The following FHIT variants were observed in gnomAD, a reference collection of about 807,000 sequenced individuals.
FHIT encodes the protein bis(5'-adenosyl)-triphosphatase.
In FHIT, 19 loss-of-function variants were observed where a neutral mutation model predicts 17.9. That is an observed-to-expected ratio of 1.06 (90% confidence interval 0.74 to 1.56). The LOEUF (loss-of-function observed/expected upper bound fraction) is 1.56, where lower values mean the gene tolerates loss of function less well. FHIT is among the 40% of genes most tolerant of loss of function. The pLI is 0.00. For synonymous variants in FHIT, 81 were observed against 69.7 expected, an observed-to-expected ratio of 1.16 and a Z score of -0.81; for missense variants, 248 against 189.2, an observed-to-expected ratio of 1.31 and a Z score of -1.82.
chr3:60,511,442 C>A (rs184760800), intron 5 of FHIT, among the ~76,000 whole-genome samples: 48 of 152,188 alleles, frequency 3.2e-4, no homozygotes, highest in African/African-American at 1.1e-3. Context: ...AAGACACTTT[C>A]AACTCAGACC....
chr3:60,286,442 T>A (rs2107657749), intron 5 of FHIT, among the ~76,000 whole-genome samples: 1 of 152,288 alleles, frequency 6.6e-6, no homozygotes, highest in South Asian at 2.1e-4. Flanking sequence ...TATGCAAATT[T>A]TATTGAAGGG....
intron 5 of FHIT, among the ~76,000 whole-genome samples, chr3:60,449,693 A>T (rs2031589204): frequency 6.6e-6 from 1 of 152,084 alleles, no homozygotes; most frequent in African/African-American, 2.4e-5. Context: ...AAAACATAAA[A>T]AAGATACTAT....
At chr3:60,437,221 G>C (rs2030351232) in intron 5 of FHIT, among the ~76,000 whole-genome samples, 1 of 151,996 alleles carries the variant, frequency 6.6e-6, no homozygotes, top group Non-Finnish European at 1.5e-5. Context: ...TAGACATGTG[G>C]GCAAGACTGC....
intron 8 of FHIT, among the ~76,000 whole-genome samples, chr3:59,801,565 C>T (rs952659389): frequency 3.3e-5 from 5 of 152,108 alleles, no homozygotes; most frequent in Admixed American, 6.5e-5. Flanking sequence ...AGAAGCCCTT[C>T]ACTAGTGCCA....
intron 5 of FHIT, among the ~76,000 whole-genome samples, chr3:60,027,721 T>TA (rs11433582): frequency 0.25 from 36,583 of 144,508 alleles, 4,969 homozygotes; most frequent in African/African-American, 0.37. Flanking sequence ...ATTTAGTTTA[T>TA]AAAAAAAAAA....
chr3:60,026,674 AAAAC>A (rs770533760), intron 5 of FHIT, among the ~76,000 whole-genome samples: 38 of 152,342 alleles, frequency 2.5e-4, no homozygotes, highest in East Asian at 2.1e-3. Context: ...TCAAAATGTG[AAAAC>A]AAACAATGGA....
At chr3:59,754,250 C>A (rs538398960) in intron 8 of FHIT, among the ~76,000 whole-genome samples, 1 of 152,162 alleles carries the variant, frequency 6.6e-6, no homozygotes, top group Non-Finnish European at 1.5e-5. Context: ...AGCATATAAC[C>A]GGGCCACAGA....
intron 2 of FHIT, among the ~76,000 whole-genome samples, chr3:61,142,277 T>C (rs2037107773): frequency 6.6e-6 from 1 of 151,614 alleles, no homozygotes. Flanking sequence ...ACTAAAACTT[T>C]AGTCTGCTGA....
chr3:60,243,247 G>C (rs1039070011), intron 5 of FHIT, among the ~76,000 whole-genome samples: 4 of 152,024 alleles, frequency 2.6e-5, no homozygotes, highest in South Asian at 2.1e-4. Flanking sequence ...TGGGAAAAGA[G>C]TTAACACTCA....
intron 2 of FHIT, among the ~76,000 whole-genome samples, chr3:61,070,439 G>A (rs1049373258): frequency 1.3e-5 from 2 of 152,228 alleles, no homozygotes; most frequent in South Asian, 4.2e-4. Context: ...AAAACACTTG[G>A]CATGGCAGTG....
intron 8 of FHIT, among the ~76,000 whole-genome samples, chr3:59,916,697 T>G (rs912311235): frequency 3.9e-5 from 6 of 152,334 alleles, no homozygotes; most frequent in East Asian, 3.9e-4. Flanking sequence ...GCTTTCTCAT[T>G]ACTAAAATAG....
intron 5 of FHIT, among the ~76,000 whole-genome samples, chr3:60,246,257 C>CA (rs1705390415): frequency 6.6e-6 from 1 of 151,972 alleles, no homozygotes; most frequent in South Asian, 2.1e-4. Context: ...CTACCTCCAG[C>CA]AAATATATAT....
chr3:60,075,173 A>G (rs1282595690), intron 5 of FHIT, among the ~76,000 whole-genome samples: 1 of 152,128 alleles, frequency 6.6e-6, no homozygotes, highest in Non-Finnish European at 1.5e-5. Context: ...ATTTTAAACT[A>G]GAGCTGCTGG....
intron 4 of FHIT, among the ~76,000 whole-genome samples, chr3:60,672,427 GC>G (rs781847612): frequency 6.6e-6 from 1 of 152,066 alleles, no homozygotes; most frequent in East Asian, 1.9e-4. Flanking sequence ...CAGTGGGGGT[GC>G]TTTTTGAGCC....
At chr3:61,046,656 C>T (rs1232649952) in intron 2 of FHIT, among the ~76,000 whole-genome samples, 1 of 152,118 alleles carries the variant, frequency 6.6e-6, no homozygotes, top group Non-Finnish European at 1.5e-5. Flanking sequence ...CCAGCATCAT[C>T]CTGATAGCAA....
At chr3:60,712,617 G>A (rs2041568366) in intron 4 of FHIT, among the ~76,000 whole-genome samples, 1 of 151,912 alleles carries the variant, frequency 6.6e-6, no homozygotes, top group Non-Finnish European at 1.5e-5. Context: ...AAAAGGCAAG[G>A]GTTGCAATCC....
chr3:61,171,932 T>A (rs1269964991), intron 2 of FHIT, among the ~76,000 whole-genome samples: 1 of 152,208 alleles, frequency 6.6e-6, no homozygotes, highest in African/African-American at 2.4e-5. Context: ...TATTCCCTTA[T>A]TCATCTCTTT....
intron 8 of FHIT, among the ~76,000 whole-genome samples, chr3:59,818,965 G>A (rs1700699808): frequency 6.6e-6 from 1 of 152,234 alleles, no homozygotes; most frequent in African/African-American, 2.4e-5. Context: ...GTCAGAGTCA[G>A]TAAAAATCGC....
chr3:60,832,104 C>T (rs1702352706), intron 3 of FHIT, among the ~76,000 whole-genome samples: 1 of 151,984 alleles, frequency 6.6e-6, no homozygotes, highest in Non-Finnish European at 1.5e-5. Context: ...TTATATAATG[C>T]TCATTATGTG....
Sources: allele counts gnomAD v4.1 joint callset (sites outside exome capture counted in the v4.1 genomes callset), GRCh38; gene constraint gnomAD v4.1.1; transcripts MANE v1.5; gene names NCBI Gene and HGNC (gene_info 2026-07-23, HGNC 2026-07-21).